DLGAP2: variants seen among roughly 807,000 people sequenced by gnomAD.
The protein encoded by DLGAP2 is disks large-associated protein 2.
Under a neutral mutation model 100.3 loss-of-function variants are expected in DLGAP2, and 26 were observed. That is an observed-to-expected ratio of 0.26 (90% CI 0.19 to 0.36). The LOEUF is 0.36. DLGAP2 is among the 10% of genes least tolerant of loss of function. The pLI, the probability that DLGAP2 is intolerant of heterozygous loss-of-function variation, is 1.00. For missense variants in DLGAP2, 1,858 were observed against 1,453.2 expected (o/e 1.28, Z -4.53); for synonymous variants, 886 against 630.1 (o/e 1.41, Z -6.08).
At chr8:1,658,779 C>A (rs1459201482) in intron 8 of DLGAP2, among the ~76,000 whole-genome samples, 1 of 152,090 alleles carries the variant, frequency 6.6e-6, no homozygotes, top group Non-Finnish European at 1.5e-5. Flanking sequence ...TTTTGTTGAT[C>A]TTTTCCTGGA....
At chr8:925,909 G>GT (rs1798804329) in intron 2 of DLGAP2, among the ~76,000 whole-genome samples, 1 of 152,102 alleles carries the variant, frequency 6.6e-6, no homozygotes, top group Non-Finnish European at 1.5e-5. Flanking sequence ...TTAATTCAGG[G>GT]TTTTCCCGCC....
Position 1,329,924 on chromosome 8 carries a change from C to T in DLGAP2, c.106+71041C>T, listed in dbSNP as rs146148290. Among the ~76,000 whole-genome samples the T allele has an allele frequency of 5.3e-5, 8 of 152,360 alleles. No homozygotes were observed. The East Asian group carries it at 7.7e-4, about 15-fold the overall frequency. The stretch of plus-strand genomic sequence containing the variant: ...TTGCTGCAAGCTGCAGCCGCCCTGC[C>T]GTGCAGTAGAACCCCAGAGCTTCCT... On this transcript the variant is annotated intron_variant, in intron 3 of 14. Transcript: ENST00000637795.
chr8:858,154 G>T (rs1237735532), intron 1 of DLGAP2, among the ~76,000 whole-genome samples: 5 of 152,364 alleles, frequency 3.3e-5, no homozygotes, highest in Middle Eastern at 6.8e-3. Flanking sequence ...ACCGCGCCCA[G>T]TGCACATGAA....
chr8:982,222 A>T (rs1219738806), intron 2 of DLGAP2, among the ~76,000 whole-genome samples: 1 of 152,244 alleles, frequency 6.6e-6, no homozygotes, highest in Non-Finnish European at 1.5e-5. Context: ...TAATAACAGT[A>T]CCTAACCCAC....
intron 1 of DLGAP2, among the ~76,000 whole-genome samples, chr8:899,376 C>A (rs1798207737): frequency 6.6e-6 from 1 of 152,190 alleles, no homozygotes; most frequent in Admixed American, 6.5e-5. Flanking sequence ...CTGGGCCACG[C>A]TGCTGAGAAG....
At chr8:923,287 G>A (rs375285357) in intron 2 of DLGAP2, among the ~76,000 whole-genome samples, 1 of 152,210 alleles carries the variant, frequency 6.6e-6, no homozygotes, top group African/African-American at 2.4e-5. Context: ...GCTGGTCTGT[G>A]TCAGTCTTGG....
At chr8:846,320 C>T (rs1360623515) in intron 1 of DLGAP2, among the ~76,000 whole-genome samples, 1 of 152,182 alleles carries the variant, frequency 6.6e-6, no homozygotes, top group Non-Finnish European at 1.5e-5. Flanking sequence ...CTCTGGTAAC[C>T]ACAATTCTAC....
intron 2 of DLGAP2, among the ~76,000 whole-genome samples, chr8:1,253,320 T>A (rs6992173): frequency 1.3e-5 from 2 of 151,978 alleles, no homozygotes; most frequent in South Asian, 2.1e-4. Flanking sequence ...CCAGGGCCCC[T>A]TTATCTCCCG....
chr8:766,041 C>G (rs543966883), intron 1 of DLGAP2, among the ~76,000 whole-genome samples: 8 of 152,292 alleles, frequency 5.3e-5, no homozygotes, highest in African/African-American at 1.7e-4. Context: ...GTGGCATGTA[C>G]CTGTAATCTC....
chr8:785,221 CAAAAAAAAAAAAAAAAAA>C, intron 1 of DLGAP2, among the ~76,000 whole-genome samples: 1 of 60,832 alleles, frequency 1.6e-5, no homozygotes, highest in East Asian at 6.0e-4. Context: ...GACTCCGCCT[CAAAAAAAAAAAAAAAAAA>C]AAAAAAAAAA....
At chr8:855,600 G>C (rs148857787) in intron 1 of DLGAP2, among the ~76,000 whole-genome samples, 19 of 152,174 alleles carry the variant, frequency 1.2e-4, no homozygotes, top group African/African-American at 4.6e-4. Context: ...AAGTTCCCAC[G>C]TAAGCTTCAG....
At chr8:1,106,020 T>G (rs1804752398) in intron 2 of DLGAP2, among the ~76,000 whole-genome samples, 1 of 149,944 alleles carries the variant, frequency 6.7e-6, no homozygotes, top group Admixed American at 6.6e-5. Context: ...AGGGAGCCAT[T>G]CTAGGAGGAT....
intron 1 of DLGAP2, among the ~76,000 whole-genome samples, chr8:802,732 C>T (rs1045176238): frequency 1.3e-5 from 2 of 152,082 alleles, no homozygotes; most frequent in Middle Eastern, 3.2e-3. Context: ...TTCTGTAGGC[C>T]GTGGTCTCTC....
chr8:1,489,046 C>A (rs116650220), intron 3 of DLGAP2, among the ~76,000 whole-genome samples: 1 of 152,192 alleles, frequency 6.6e-6, no homozygotes, highest in African/African-American at 2.4e-5. Flanking sequence ...TGCACATGGT[C>A]CAACTTCTTT....
At chr8:1,002,651 A>G (rs138558760) in intron 2 of DLGAP2, 1 of 152,262 alleles carries the variant, frequency 6.6e-6, no homozygotes, top group Non-Finnish European at 1.5e-5. Context: ...AAATGGGTCC[A>G]CTTTGTAGTG....
chr8:955,814 G>A (rs987676937), intron 2 of DLGAP2, among the ~76,000 whole-genome samples: 1 of 152,334 alleles, frequency 6.6e-6, no homozygotes. Flanking sequence ...TTGAACAAAT[G>A]TGGTGCCCTT....
At chr8:1,609,494 A>G (rs1351817725) in intron 6 of DLGAP2, among the ~76,000 whole-genome samples, 1 of 137,494 alleles carries the variant, frequency 7.3e-6, no homozygotes, top group Non-Finnish European at 1.6e-5. Context: ...AACGAGCAAA[A>G]TCACCAGCTA....
chr8:1,526,106 G>C (rs989678312), intron 4 of DLGAP2, among the ~76,000 whole-genome samples: 3 of 151,362 alleles, frequency 2.0e-5, no homozygotes, highest in African/African-American at 7.3e-5. Flanking sequence ...AGATTTGGGA[G>C]TAACAATGTA....
rs1360116418 is a variant in DLGAP2 at position 1,164,152 on chromosome 8, G to A, written c.74-94699G>A. ...CATTTTGGTTTGTGGGGATTTTTCTGTGAGCCCCCCAGGGCCCGTCATTTT... is the reference window on the plus strand; with the variant it reads ...CATTTTGGTTTGTGGGGATTTTTCTATGAGCCCCCCAGGGCCCGTCATTTT... On this transcript the variant is annotated intron_variant, in intron 2 of 14. Coordinates refer to ENST00000637795, the MANE Select transcript of DLGAP2 (RefSeq NM_001346810.2). Among the ~76,000 whole-genome samples, 179 of 83,180 alleles carry A rather than the reference G, an allele frequency of 2.2e-3. 18 individuals are homozygous for A. Among genetic ancestry groups the A allele is most frequent in the Middle Eastern group, 0.014 (2 of 144 alleles). The allele number at this position is 83,180 out of a possible 152,430, so 54.6% of individuals were successfully genotyped here.
Sources: gnomAD v4.1 joint callset for allele counts (sites outside exome capture counted in the v4.1 genomes callset) on GRCh38, gnomAD v4.1.1 for gene constraint, MANE v1.5 for transcripts, NCBI Gene and HGNC (gene_info 2026-07-23, HGNC 2026-07-21) for gene names.